AHI1: variants seen among roughly 807,000 people sequenced by gnomAD.
AHI1 encodes the protein Abelson helper integration site 1.
A neutral mutation model predicts 149.3 loss-of-function variants in AHI1; 123 were observed. That is an observed-to-expected ratio of 0.82 (90% confidence interval 0.71 to 0.96). The LOEUF (loss-of-function observed/expected upper bound fraction) is 0.96, where lower values mean the gene tolerates loss of function less well. AHI1 is among the 40% of genes least tolerant of loss of function. AHI1 has a pLI of 0.00. For synonymous variants in AHI1, 475 were observed against 459.8 expected (o/e 1.03, Z -0.42); for missense variants, 1,439 against 1,422.7 (o/e 1.01, Z -0.18).
chr6:135,330,743 T>C (rs1788456061), intron 24 of AHI1, among the ~76,000 whole-genome samples: 1 of 152,200 alleles, frequency 6.6e-6, no homozygotes, highest in African/African-American at 2.4e-5. Flanking sequence ...CTTAACACAC[T>C]GAAGGACAAA....
At chr6:135,394,930 T>C in intron 22 of AHI1, 34 bp from the exon 23 acceptor site, 1 of 1,569,140 alleles carries the variant, frequency 6.4e-7, no homozygotes. Flanking sequence ...AACTACAGTG[T>C]AATTTCCTGG....
At chr6:135,481,138 T>C (rs1793570991) in intron 5 of AHI1, among the ~76,000 whole-genome samples, 1 of 152,192 alleles carries the variant, frequency 6.6e-6, no homozygotes, top group African/African-American at 2.4e-5. Flanking sequence ...CATATGATGC[T>C]CTGCACTGCC....
intron 23 of AHI1, chr6:135,387,657 T>C (rs1289858942): frequency 3.6e-6 from 2 of 549,228 alleles, no homozygotes; most frequent in Non-Finnish European, 4.8e-6. Context: ...CTTTGACATG[T>C]TCCTTTTCCT....
Position 135,467,049 on chromosome 6 carries a change from A to G in AHI1, c.189+532T>C, listed in dbSNP as rs113158459. 5.0e-3 allele frequency among the ~76,000 whole-genome samples: 755 copies of G among 152,322 alleles called. 5 individuals carry two copies. The highest frequency in any genetic ancestry group is 0.017 in the African/African-American group (708 of 41,574). ...GGATAAACTAGAGGATGACCAATCG[A>G]GGAGCTGGGATGAACAGCTCTGTTT... On this transcript the variant is annotated intron_variant, in intron 6 of 28. Transcript: ENST00000265602.
intron 5 of AHI1, among the ~76,000 whole-genome samples, chr6:135,477,306 C>T (rs1263970318): frequency 1.3e-5 from 2 of 152,216 alleles, no homozygotes; most frequent in East Asian, 3.8e-4. Flanking sequence ...TCCCAAAATG[C>T]TGGGATTACA....
intron 28 of AHI1, 143 bp downstream of exon 28, chr6:135,290,280 G>C (rs1486975550): frequency 1.6e-6 from 1 of 634,540 alleles, no homozygotes; most frequent in Non-Finnish European, 2.8e-6. Flanking sequence ...GTCGCAAATG[G>C]CCTCCCGGTT....
At chr6:135,408,266 T>G (rs190762271) in intron 21 of AHI1, among the ~76,000 whole-genome samples, 98 of 152,292 alleles carry the variant, frequency 6.4e-4, no homozygotes, top group African/African-American at 2.3e-3. Flanking sequence ...TAGATGAAGT[T>G]ACTTTGCCAT....
intron 15 of AHI1, among the ~76,000 whole-genome samples, chr6:135,434,850 T>C (rs555680452): frequency 3.9e-5 from 6 of 152,220 alleles, no homozygotes; most frequent in South Asian, 4.1e-4. Flanking sequence ...TGGGCACATA[T>C]AGGCCTGTGT....
intron 28 of AHI1, chr6:135,286,372 T>C (rs886110579): frequency 2.0e-5 from 3 of 152,284 alleles, no homozygotes; most frequent in African/African-American, 7.2e-5. Flanking sequence ...CAATCATTCA[T>C]ACAGCATTGA....
rs182081623 is a variant in AHI1 at position 135,355,863 on chromosome 6, C to T, written c.3165+2269G>A. Among the ~76,000 whole-genome samples, 604 of 152,300 alleles carry T rather than the reference C, an allele frequency of 4.0e-3. 1 individual carries two copies. The highest frequency in any genetic ancestry group is 6.8e-3 in the Middle Eastern group (2 of 294). ...GCAGTGAACTGAGATTGCGCCACGG[C>T]ACTCCAGCCTGGGCAACAGAGCGAG... is the stretch of plus-strand genomic sequence containing the variant. On this transcript the variant is annotated intron_variant, in intron 24 of 28. Coordinates refer to ENST00000265602, the MANE Select transcript of AHI1 (RefSeq NM_001134831.2).
chr6:135,346,565 G>T (rs926374885), intron 24 of AHI1, among the ~76,000 whole-genome samples: 7 of 152,164 alleles, frequency 4.6e-5, no homozygotes, highest in Admixed American at 6.5e-5. Flanking sequence ...GGATTATAAA[G>T]ATTTTTTTTC....
intron 24 of AHI1, among the ~76,000 whole-genome samples, chr6:135,332,757 A>T (rs1285435430): frequency 1.3e-5 from 2 of 152,210 alleles, no homozygotes; most frequent in Non-Finnish European, 2.9e-5. Flanking sequence ...TTCTTCTGTT[A>T]TTCTGTTTTC....
At position 135,466,469 on chromosome 6, in the gene AHI1, T is replaced by C. The variant is rs1583377327; in HGVS notation, c.190-96A>G. On this transcript the variant is annotated intron_variant, in intron 6 of 28. Transcript: ENST00000265602. ...ATTAATATTTGACAATGTGGAATTA[T>C]TGGGAGGATTATTTAGTTTTTCATC... 5.4e-5 allele frequency: 62 copies of C among 1,146,116 alleles called. 1 individual carries two copies. In the East Asian group the frequency reaches 1.4e-3, roughly 27 times the overall value. The allele number at this position is 1,146,116 out of a possible 1,614,324, so 71.0% of individuals were successfully genotyped here.
chr6:135,393,313 G>A (rs1034637310), intron 23 of AHI1, among the ~76,000 whole-genome samples: 2 of 151,914 alleles, frequency 1.3e-5, no homozygotes, highest in African/African-American at 2.4e-5. Flanking sequence ...TATCTTGTTG[G>A]CAGACAGACA....
chr6:135,312,420 A>G (rs939756330), intron 26 of AHI1, among the ~76,000 whole-genome samples: 6 of 152,262 alleles, frequency 3.9e-5, no homozygotes, highest in African/African-American at 4.8e-5. Flanking sequence ...AGGCTGAGGC[A>G]TGAGAATTGC....
intron 23 of AHI1, among the ~76,000 whole-genome samples, chr6:135,386,627 TTTTC>T (rs1777631453): frequency 6.6e-6 from 1 of 151,794 alleles, no homozygotes; most frequent in Non-Finnish European, 1.5e-5. Flanking sequence ...GTGTTTTTTC[TTTTC>T]TTTTTTTGTT....
chr6:135,363,770 A>AC (rs1264045356), intron 23 of AHI1, among the ~76,000 whole-genome samples: 46 of 88,398 alleles, frequency 5.2e-4, no homozygotes, highest in African/African-American at 1.9e-3. Context: ...GCGGGGGTTG[A>AC]CCCCCCCACC....
At chr6:135,336,507 AG>A (rs1789411468) in intron 24 of AHI1, among the ~76,000 whole-genome samples, 1 of 152,154 alleles carries the variant, frequency 6.6e-6, no homozygotes. Flanking sequence ...CTGAGGCAGG[AG>A]GATAGCTTGA....
intron 11 of AHI1, among the ~76,000 whole-genome samples, chr6:135,452,662 G>C (rs1246568766): frequency 6.6e-6 from 1 of 151,988 alleles, no homozygotes; most frequent in African/African-American, 2.4e-5. Context: ...TGACTGAGAA[G>C]ACCTCATCAT....
Sources: gnomAD v4.1 joint callset for allele counts (sites outside exome capture counted in the v4.1 genomes callset) on GRCh38, gnomAD v4.1.1 for gene constraint, MANE v1.5 for transcripts, NCBI Gene and HGNC (gene_info 2026-07-23, HGNC 2026-07-21) for gene names.